Variants in NXN observed in about 807,000 individuals in gnomAD.
The protein encoded by NXN is nucleoredoxin 1.
NXN carries 16 observed loss-of-function variants against 48.6 expected under a neutral mutation model. The ratio of observed to expected loss-of-function variants is 0.33; its 90% confidence interval spans 0.22 to 0.50. The LOEUF (loss-of-function observed/expected upper bound fraction) is 0.50, where lower values mean the gene tolerates loss of function less well. Among genes scored for constraint, NXN ranks in the 20% least tolerant of loss-of-function variants. The probability of loss-of-function intolerance (pLI) is 0.98; values close to 1 mark genes in which losing one functional copy is unlikely to be tolerated. For synonymous variants in NXN, 281 were observed against 269.6 expected, an observed-to-expected ratio of 1.04 and a Z score of -0.41; for missense variants, 492 against 605.5, an observed-to-expected ratio of 0.81 and a Z score of 1.97.
rs71371579 is a variant in NXN, at chr17:801,443, C to CT, written c.1126-313dup. On this transcript the variant is annotated intron_variant, in intron 7 of 7. Transcript: ENST00000336868. ...CTCAGCATTTTAGAAATGTCACATT[C>CT]TTTTTTTTTTTTTTTTTTTTGAGAT... is the stretch of plus-strand genomic sequence containing the variant. Among the ~76,000 whole-genome samples the CT allele has an allele frequency of 5.1e-3, 529 of 104,278 alleles. 31 individuals carry two copies. Among genetic ancestry groups the CT allele is most frequent in the African/African-American group, 0.011 (301 of 28,318 alleles). The allele number at this position is 104,278 out of a possible 152,430, so 68.4% of individuals were successfully genotyped here.
At chr17:885,742 G>C (rs138074319) in intron 1 of NXN, among the ~76,000 whole-genome samples, 1 of 139,636 alleles carries the variant, frequency 7.2e-6, no homozygotes, top group African/African-American at 2.7e-5. Flanking sequence ...GTGCAGTGGC[G>C]CAATCTCAGC....
At chr17:941,233 T>C (rs1391365968) in intron 1 of NXN, among the ~76,000 whole-genome samples, 24 of 125,576 alleles carry the variant, frequency 1.9e-4, no homozygotes, top group South Asian at 3.0e-4. Context: ...CCAAACACCT[T>C]CCTGGATTTA....
chr17:872,660 G>C (rs1214444951), intron 1 of NXN, among the ~76,000 whole-genome samples: 1 of 102,396 alleles, frequency 9.8e-6, no homozygotes. Context: ...CCCTCTTGTT[G>C]CCCAGACTGG....
intron 1 of NXN, among the ~76,000 whole-genome samples, chr17:858,124 C>T (rs2068004964): frequency 6.6e-6 from 1 of 152,012 alleles, no homozygotes; most frequent in South Asian, 2.1e-4. Context: ...TATGCACCAC[C>T]ACACCTGGCT....
At chr17:820,217 A>T (rs113000549) in intron 4 of NXN, among the ~76,000 whole-genome samples, 12,060 of 152,232 alleles carry the variant, frequency 0.079, 616 homozygotes, top group Middle Eastern at 0.13. Flanking sequence ...TGATGGTGGT[A>T]ACATGGTACG....
chr17:803,452 T>C (rs1911311787), intron 7 of NXN, among the ~76,000 whole-genome samples: 1 of 152,228 alleles, frequency 6.6e-6, no homozygotes, highest in African/African-American at 2.4e-5. Flanking sequence ...GACGGCTCCC[T>C]GCTGACCTGA....
At chr17:802,701 C>T (rs1911268016) in intron 7 of NXN, among the ~76,000 whole-genome samples, 1 of 152,180 alleles carries the variant, frequency 6.6e-6, no homozygotes, top group African/African-American at 2.4e-5. Flanking sequence ...CTCCCCTCCA[C>T]CCCCGGGCTG....
intron 1 of NXN, among the ~76,000 whole-genome samples, chr17:856,968 G>A (rs968459080): frequency 8.6e-5 from 13 of 152,028 alleles, no homozygotes; most frequent in African/African-American, 1.9e-4. Flanking sequence ...ACTTCTACAC[G>A]TCACCCAGTT....
chr17:912,086 C>T (rs150750102), intron 1 of NXN, among the ~76,000 whole-genome samples: 1,598 of 151,918 alleles, frequency 0.011, 26 homozygotes, highest in African/African-American at 0.034. Flanking sequence ...TACAGGCGCC[C>T]GCTACCACGC....
chr17:979,583 C>T lies in NXN; in HGVS notation c.96G>A (p.Ser32=). 1 of 1,436,012 alleles carries T rather than the reference C, an allele frequency of 7.0e-7. No individual in the cohort carries two copies. Among genetic ancestry groups the T allele is most frequent in the Non-Finnish European group, 9.1e-7 (1 of 1,093,506 alleles). 89.0% of individuals were successfully genotyped at this position (1,436,012 alleles called of 1,614,324 possible). ...TGCAGCCGAAGTAGAGACCCAGCAG[C>T]GAGATGCCGCGGGCGCCCAGCGAGT... ...DVHSLGARGI[S]LLGLYFGCSL... Residue 32 remains serine (S), a synonymous_variant, in exon 1 of 8, where the codon TCG becomes TCA. Coordinates refer to ENST00000336868, the MANE Select transcript of NXN (RefSeq NM_022463.5).
rs146103072 is a variant in NXN, at chr17:822,957, G to A, written c.613-500C>T. ...TCTACTAAAAATACAAAAATTAGCC[G>A]GGTTTGGTAGTGTGCGCCTGGAGCC... is the stretch of plus-strand genomic sequence containing the variant. On this transcript the variant is annotated intron_variant, in intron 3 of 7. Transcript: ENST00000336868. Among the ~76,000 whole-genome samples the A allele has an allele frequency of 7.4e-3, 1,120 of 151,542 alleles. 15 individuals carry two copies. Among genetic ancestry groups the A allele is most frequent in the African/African-American group, 0.026 (1,068 of 41,288 alleles).
chr17:979,258 G>GGCGGGCAGGGGTAACGGGCGTGGGGA, intron 1 of NXN, 61 bp downstream of exon 1: 1 of 1,215,918 alleles, frequency 8.2e-7, no homozygotes, highest in South Asian at 1.4e-5. Flanking sequence ...GGGCGTGGGG[G>GGCGGGCAGGGGTAACGGGCGTGGGGA]GCGGGCAGGG....
intron 1 of NXN, among the ~76,000 whole-genome samples, chr17:843,008 G>A (rs1172772444): frequency 1.9e-4 from 15 of 79,904 alleles, no homozygotes; most frequent in African/African-American, 4.8e-5. Context: ...GAGAAAGAGA[G>A]AAAGAAAGAA....
At chr17:840,474 G>A (rs907634029) in intron 1 of NXN, among the ~76,000 whole-genome samples, 1 of 152,092 alleles carries the variant, frequency 6.6e-6, no homozygotes, top group African/African-American at 2.4e-5. Context: ...CAGGTAGCTG[G>A]GACTACAGGC....
At chr17:900,293 A>T (rs756052130) in intron 1 of NXN, among the ~76,000 whole-genome samples, 9 of 152,104 alleles carry the variant, frequency 5.9e-5, no homozygotes, top group Non-Finnish European at 1.0e-4. Flanking sequence ...AAAAAAACAC[A>T]AACTTTCTGA....
intron 1 of NXN, among the ~76,000 whole-genome samples, chr17:966,815 G>C (rs377324554): frequency 3.3e-4 from 41 of 125,698 alleles, no homozygotes; most frequent in African/African-American, 1.0e-3. Context: ...TGGGGGGGTG[G>C]GGCAGACAAT....
At chr17:908,361 C>A (rs1024559535) in intron 1 of NXN, among the ~76,000 whole-genome samples, 26 of 151,708 alleles carry the variant, frequency 1.7e-4, no homozygotes, top group Admixed American at 1.3e-3. Flanking sequence ...CATGGTGAAA[C>A]CCCATCTCTA....
At chr17:929,337 T>C (rs1014656880) in intron 1 of NXN, among the ~76,000 whole-genome samples, 1 of 152,234 alleles carries the variant, frequency 6.6e-6, no homozygotes, top group African/African-American at 2.4e-5. Flanking sequence ...GTTCACGTTA[T>C]TAAATATGTC....
At chr17:955,710 C>A (rs2069159971) in intron 1 of NXN, among the ~76,000 whole-genome samples, 1 of 151,236 alleles carries the variant, frequency 6.6e-6, no homozygotes. Context: ...TCCTGGCTAA[C>A]ACGGTGAAAC....
Sources: gnomAD v4.1 joint callset for allele counts (sites outside exome capture counted in the v4.1 genomes callset) on GRCh38, gnomAD v4.1.1 for gene constraint, MANE v1.5 for transcripts, NCBI Gene and HGNC (gene_info 2026-07-23, HGNC 2026-07-21) for gene names.